Variants in MTA3 observed in about 807,000 individuals in gnomAD.
MTA3 encodes metastasis associated 1 family member 3.
Under a neutral mutation model 83.5 loss-of-function variants are expected in MTA3, and 34 were observed. That is an observed-to-expected ratio of 0.41 (90% CI 0.31 to 0.54). MTA3 has a LOEUF of 0.54. Among genes scored for constraint, MTA3 ranks in the 20% least tolerant of loss-of-function variants. The pLI is 0.33. For missense variants in MTA3, 761 were observed against 726.4 expected (o/e 1.05, Z -0.55); for synonymous variants, 303 against 252.7 (o/e 1.20, Z -1.89).
intron 8 of MTA3, among the ~76,000 whole-genome samples, chr2:42,669,567 G>A (rs1018040175): frequency 1.3e-5 from 2 of 152,132 alleles, no homozygotes; most frequent in African/African-American, 4.8e-5. Flanking sequence ...GACTAGCACT[G>A]CAGTAAAAAA....
intron 13 of MTA3, among the ~76,000 whole-genome samples, 178 bp downstream of exon 13, chr2:42,708,232 A>G (rs1430647878): frequency 1.3e-5 from 2 of 152,262 alleles, no homozygotes; most frequent in Non-Finnish European, 2.9e-5. Context: ...ATTAAATTTT[A>G]TCAGGTATTC....
intron 16 of MTA3, among the ~76,000 whole-genome samples, chr2:42,742,260 T>G (rs1163350522): frequency 6.6e-6 from 1 of 152,100 alleles, no homozygotes; most frequent in African/African-American, 2.4e-5. Context: ...TGCCTTAGCT[T>G]CCAGAGTAGC....
chr2:42,752,309 T>C (rs1187085507), intron 16 of MTA3: 8 of 470,832 alleles, frequency 1.7e-5, no homozygotes, highest in Non-Finnish European at 3.5e-5. Flanking sequence ...GCTGTGAAGG[T>C]GAGCATTGCT....
chr2:42,568,651 G>A lies in MTA3; in HGVS notation c.-95G>A. The A allele has an allele frequency of 2.9e-6, 2 of 689,820 alleles. No homozygotes were observed. The highest frequency in any genetic ancestry group is 3.6e-6 in the Non-Finnish European group (2 of 548,374). The allele number at this position is 689,820 out of a possible 1,614,324, so 42.7% of individuals were successfully genotyped here. A position where few individuals can be genotyped will look rare whatever the true frequency, so the allele number is the denominator to read the frequency against. On this transcript the variant is annotated 5_prime_UTR_variant, in exon 1 of 17. Coordinates refer to ENST00000405094, the MANE Select transcript of MTA3 (RefSeq NM_001330442.2). ...CCCCCCGTGGCGAGGCAGCAGCGACGGCGGCGGCGGCAGCGGCGGTCGCGG... is the reference window on the plus strand; with the variant it reads ...CCCCCCGTGGCGAGGCAGCAGCGACAGCGGCGGCGGCAGCGGCGGTCGCGG...
At chr2:42,533,036 G>A in intron 2 of MTA3, 1 of 187,340 alleles carries the variant, frequency 5.3e-6, no homozygotes, top group Non-Finnish European at 1.1e-5. Flanking sequence ...CATGCTGGGT[G>A]GCATTGCAGA....
chr2:42,512,141 T>G (rs1312030209), intron 2 of MTA3, among the ~76,000 whole-genome samples: 11 of 151,726 alleles, frequency 7.2e-5, no homozygotes, highest in Admixed American at 1.3e-4. Context: ...TTTTCCTTTT[T>G]TTTTTGTTTT....
intron 2 of MTA3, among the ~76,000 whole-genome samples, chr2:42,506,406 A>G (rs200878710): frequency 6.6e-6 from 1 of 151,810 alleles, no homozygotes; most frequent in Non-Finnish European, 1.5e-5. Context: ...GTGAGCCATG[A>G]TCATGCCACT....
At chr2:42,575,460 C>G (rs1436801498) in intron 2 of MTA3, among the ~76,000 whole-genome samples, 4 of 152,052 alleles carry the variant, frequency 2.6e-5, no homozygotes, top group African/African-American at 9.7e-5. Flanking sequence ...GTGTACATAG[C>G]TTTACTATTT....
intron 2 of MTA3, among the ~76,000 whole-genome samples, chr2:42,544,812 G>A (rs1312069155): frequency 3.9e-5 from 6 of 152,100 alleles, no homozygotes; most frequent in East Asian, 1.9e-4. Context: ...TCAGTATCTC[G>A]TGCTATATGG....
At chr2:42,586,557 A>AACACACACACACAC (rs68029790) in intron 3 of MTA3, among the ~76,000 whole-genome samples, 75 of 126,010 alleles carry the variant, frequency 6.0e-4, no homozygotes, top group East Asian at 2.1e-3. Flanking sequence ...AAGGAAGGAA[A>AACACACACACACAC]ACACACACAC....
chr2:42,606,531 G>A (rs1462334180), intron 3 of MTA3, among the ~76,000 whole-genome samples: 1 of 148,550 alleles, frequency 6.7e-6, no homozygotes, highest in African/African-American at 2.5e-5. Context: ...TGGCGGCTGG[G>A]AAGAGGCGCT....
chr2:42,688,923 A>T (rs1052991404), intron 9 of MTA3, among the ~76,000 whole-genome samples: 1 of 151,788 alleles, frequency 6.6e-6, no homozygotes, highest in African/African-American at 2.4e-5. Context: ...GGGGAAATTC[A>T]TTCATTTTTT....
intron 8 of MTA3, among the ~76,000 whole-genome samples, chr2:42,662,800 C>G (rs1366237223): frequency 6.6e-6 from 1 of 150,556 alleles, no homozygotes; most frequent in Non-Finnish European, 1.5e-5. Context: ...GGTGCGATCT[C>G]GGCTCACTGC....
chr2:42,636,054 C>G (rs1687162746), intron 4 of MTA3, among the ~76,000 whole-genome samples: 1 of 152,186 alleles, frequency 6.6e-6, no homozygotes, highest in Non-Finnish European at 1.5e-5. Context: ...CAGGCGTGAG[C>G]CACGGCGCCG....
At chr2:42,733,847 T>G (rs1668411115) in intron 16 of MTA3, among the ~76,000 whole-genome samples, 1 of 152,180 alleles carries the variant, frequency 6.6e-6, no homozygotes, top group Non-Finnish European at 1.5e-5. Context: ...TTTCCAATAT[T>G]CCTGTTGTTA....
intron 8 of MTA3, among the ~76,000 whole-genome samples, chr2:42,670,804 C>T (rs564502808): frequency 9.7e-4 from 147 of 151,640 alleles, no homozygotes; most frequent in African/African-American, 3.0e-3. Context: ...GAATAAATGT[C>T]CCTCTACTGC....
At chr2:42,613,731 A>G (rs191425908) in intron 4 of MTA3, 2 of 152,332 alleles carry the variant, frequency 1.3e-5, no homozygotes, top group East Asian at 3.9e-4. Flanking sequence ...GTGAACTATA[A>G]TATTCATGAG....
At chr2:42,583,993 G>A (rs1224016911) in intron 3 of MTA3, among the ~76,000 whole-genome samples, 1 of 151,706 alleles carries the variant, frequency 6.6e-6, no homozygotes, top group Non-Finnish European at 1.5e-5. Context: ...ACAGGCATGC[G>A]CCACCATGCC....
chr2:42,582,788 G>T (rs1679819943), intron 3 of MTA3, among the ~76,000 whole-genome samples: 1 of 152,166 alleles, frequency 6.6e-6, no homozygotes, highest in Non-Finnish European at 1.5e-5. Context: ...ATTCATAATT[G>T]ATTAGCCTGT....
Sources: gnomAD v4.1 joint callset for allele counts (sites outside exome capture counted in the v4.1 genomes callset) on GRCh38, gnomAD v4.1.1 for gene constraint, MANE v1.5 for transcripts, NCBI Gene and HGNC (gene_info 2026-07-23, HGNC 2026-07-21) for gene names.